The following NXPE4 variants were observed in gnomAD, a reference collection of about 807,000 sequenced individuals.
NXPE4 encodes NXPE family member 4.
A neutral mutation model predicts 33.3 loss-of-function variants in NXPE4; 42 were observed. The observed-to-expected ratio is 1.26, with a 90% confidence interval of 0.98 to 1.63. The LOEUF (loss-of-function observed/expected upper bound fraction) is 1.63, where lower values mean the gene tolerates loss of function less well. Among genes scored for constraint, NXPE4 ranks in the 40% most tolerant of loss-of-function variants. NXPE4 has a pLI of 0.00. For synonymous variants in NXPE4, 253 were observed against 234.9 expected (o/e 1.08, Z -0.71); for missense variants, 709 against 647.6 (o/e 1.09, Z -1.03).
At chr11:114,613,798 G>C in the NXPE4 span, among the ~76,000 whole-genome samples, 4 of 151,754 alleles carry the variant, frequency 2.6e-5, no homozygotes, top group Non-Finnish European at 4.4e-5. Context: ...TTAGCCGGTG[G>C]ATAATACGTC....
chr11:114,571,855 T>C (rs1219014279), intron 5 of NXPE4, among the ~76,000 whole-genome samples: 1 of 152,194 alleles, frequency 6.6e-6, no homozygotes, highest in Non-Finnish European at 1.5e-5. Context: ...GCTGAAAAAC[T>C]GTGTCCCTAG....
the NXPE4 span, among the ~76,000 whole-genome samples, chr11:114,601,786 C>CATATAATAT: frequency 3.6e-5 from 2 of 56,054 alleles, no homozygotes; most frequent in Non-Finnish European, 5.6e-5. Flanking sequence ...AATTATATAA[C>CATATAATAT]ATGTGATATA....
chr11:114,609,122 G>A, the NXPE4 span, among the ~76,000 whole-genome samples: 2,402 of 151,132 alleles, frequency 0.016, 74 homozygotes, highest in African/African-American at 0.053. Flanking sequence ...ACTGTTACCC[G>A]GTGGATAATA....
At chr11:114,597,699 T>C (rs1051027975), upstream of NXPE4, among the ~76,000 whole-genome samples, 1 of 152,064 alleles carries the variant, frequency 6.6e-6, no homozygotes, top group African/African-American at 2.4e-5. Flanking sequence ...GGATATGAAA[T>C]GAGCCTGGAG....
the NXPE4 span, among the ~76,000 whole-genome samples, chr11:114,605,942 C>A: frequency 2.6e-5 from 4 of 151,684 alleles, no homozygotes; most frequent in African/African-American, 9.7e-5. Flanking sequence ...ACCACTGTTA[C>A]CTGGTGGATA....
the NXPE4 span, among the ~76,000 whole-genome samples, chr11:114,676,041 A>G: frequency 5.9e-5 from 9 of 151,976 alleles, no homozygotes; most frequent in African/African-American, 2.2e-4. Flanking sequence ...AGAACTGCAT[A>G]TCCACATGTG....
chr11:114,666,873 T>C, the NXPE4 span, among the ~76,000 whole-genome samples: 2 of 152,216 alleles, frequency 1.3e-5, no homozygotes, highest in East Asian at 3.9e-4. Flanking sequence ...AAAACAAATA[T>C]TACCCTTCAT....
At chr11:114,631,397 A>T in the NXPE4 span, among the ~76,000 whole-genome samples, 10 of 151,754 alleles carry the variant, frequency 6.6e-5, no homozygotes, top group African/African-American at 2.4e-4. Context: ...ATTGGAAATC[A>T]TCATTCTCAG....
At chr11:114,604,311 C>A in the NXPE4 span, among the ~76,000 whole-genome samples, 10 of 151,988 alleles carry the variant, frequency 6.6e-5, no homozygotes, top group Non-Finnish European at 1.0e-4. Context: ...ACAATTCTTA[C>A]CCTGTGGAAA....
the NXPE4 span, among the ~76,000 whole-genome samples, chr11:114,658,624 T>A: frequency 4.1e-4 from 62 of 152,256 alleles, no homozygotes; most frequent in Non-Finnish European, 7.1e-4. Context: ...AAGACACATA[T>A]GAAGATCCCT....
At chr11:114,602,009 A>T in the NXPE4 span, among the ~76,000 whole-genome samples, 1 of 88,006 alleles carries the variant, frequency 1.1e-5, no homozygotes, top group African/African-American at 4.7e-5. Flanking sequence ...CTAATGTATT[A>T]TATTATATAT....
chr11:114,642,654 A>C, the NXPE4 span, among the ~76,000 whole-genome samples: 11 of 151,968 alleles, frequency 7.2e-5, no homozygotes, highest in Non-Finnish European at 4.4e-5. Flanking sequence ...TTCTTTATCC[A>C]GTCTATTATT....
the NXPE4 span, among the ~76,000 whole-genome samples, chr11:114,632,402 CATATAT>C: frequency 1.6e-5 from 2 of 128,080 alleles, no homozygotes; most frequent in African/African-American, 5.7e-5. Flanking sequence ...TATAAATATA[CATATAT>C]AATTTTATAT....
chr11:114,598,063 A>G (rs1184027703), upstream of NXPE4, among the ~76,000 whole-genome samples: 2 of 152,106 alleles, frequency 1.3e-5, no homozygotes, highest in Admixed American at 6.5e-5. Context: ...ATACAATGGG[A>G]CTATAGGCAT....
At chr11:114,580,423 T>G in intron 4 of NXPE4, 85 bp from the exon 5 acceptor site, 5 of 1,115,566 alleles carry the variant, frequency 4.5e-6, no homozygotes, top group Non-Finnish European at 6.7e-6. Context: ...CCTCTAAGTA[T>G]CCTAAGAGGG....
At chr11:114,599,981 G>A (rs1287137986), upstream of NXPE4, among the ~76,000 whole-genome samples, 1 of 152,000 alleles carries the variant, frequency 6.6e-6, no homozygotes, top group Non-Finnish European at 1.5e-5. Context: ...AATAAATGGG[G>A]TAAAATAAAC....
In NXPE4 at chr11:114,582,849, T is replaced by A; in HGVS notation, c.269A>T (p.His90Leu). Reference sequence around the variant, plus strand: ...TGTGGCGCTGGTGGTGGTGTTCACGTGGGTGAAAGGTCTGGGTGGGATCTG... The same window carrying A: ...TGTGGCGCTGGTGGTGGTGTTCACGAGGGTGAAAGGTCTGGGTGGGATCTG... ...DQQIPPRPFTHVNTTTSATHS... is the reference protein window; with the variant it reads ...DQQIPPRPFTLVNTTTSATHS... The change falls in exon 3 of 6, where the codon CAC (histidine) becomes CTC (leucine). Residue 90 changes from histidine (H) to leucine (L), a missense_variant. Physicochemically the swap from His to Leu is moderately conservative, Grantham distance 99 (BLOSUM62 -3). Coordinates refer to ENST00000375478, the MANE Select transcript of NXPE4 (RefSeq NM_001077639.2). 6.2e-7 allele frequency: 1 copy of A among 1,614,144 alleles called. No individual in the cohort carries two copies. Among genetic ancestry groups the A allele is most frequent in the Non-Finnish European group, 8.5e-7 (1 of 1,180,006 alleles).
chr11:114,639,927 ATAT>A, the NXPE4 span, among the ~76,000 whole-genome samples: 1 of 115,656 alleles, frequency 8.6e-6, no homozygotes, highest in Non-Finnish European at 1.6e-5. Flanking sequence ...ATTATATTAT[ATAT>A]TATATTAAAT....
At chr11:114,600,912 G>C in the NXPE4 span, among the ~76,000 whole-genome samples, 1 of 151,996 alleles carries the variant, frequency 6.6e-6, no homozygotes, top group African/African-American at 2.4e-5. Flanking sequence ...CTTTTCAAAT[G>C]GGAAAATATA....
Sources: allele counts gnomAD v4.1 joint callset (sites outside exome capture counted in the v4.1 genomes callset), GRCh38; gene constraint gnomAD v4.1.1; transcripts MANE v1.5; gene names NCBI Gene and HGNC (gene_info 2026-07-23, HGNC 2026-07-21).